The following DPP10 variants were observed in gnomAD, a reference collection of about 807,000 sequenced individuals.
The protein encoded by DPP10 is dipeptidyl peptidase like 10, also known as inactive dipeptidyl peptidase 10.
A neutral mutation model predicts 120.9 loss-of-function variants in DPP10; 33 were observed. The ratio of observed to expected loss-of-function variants is 0.27; its 90% confidence interval spans 0.21 to 0.37. DPP10 has a LOEUF of 0.37. DPP10 is among the 10% of genes least tolerant of loss of function. The probability of loss-of-function intolerance (pLI) is 1.00; values close to 1 mark genes in which losing one functional copy is unlikely to be tolerated. For synonymous variants in DPP10, 337 were observed against 326.1 expected (o/e 1.03, Z -0.36); for missense variants, 816 against 942.8 (o/e 0.87, Z 1.76).
At chr2:115,079,528 C>T (rs947316311) in intron 1 of DPP10, among the ~76,000 whole-genome samples, 3 of 152,104 alleles carry the variant, frequency 2.0e-5, no homozygotes, top group African/African-American at 7.2e-5. Context: ...GGGGTGGCAT[C>T]ACTTTCTCAG....
chr2:114,948,839 C>T (rs760835774), intron 1 of DPP10, among the ~76,000 whole-genome samples: 4 of 152,078 alleles, frequency 2.6e-5, no homozygotes, highest in Non-Finnish European at 4.4e-5. Context: ...AGGAAACTTA[C>T]ATTCGTGGTT....
intron 1 of DPP10, among the ~76,000 whole-genome samples, chr2:114,814,124 A>C (rs1330136143): frequency 1.3e-5 from 2 of 152,216 alleles, no homozygotes; most frequent in African/African-American, 4.8e-5. Context: ...AAAAGGTAAT[A>C]GGCATAGTCT....
intron 1 of DPP10, among the ~76,000 whole-genome samples, chr2:115,164,555 A>G (rs1009682140): frequency 4.6e-5 from 7 of 152,170 alleles, no homozygotes; most frequent in African/African-American, 1.7e-4. Flanking sequence ...TTGATTTTGA[A>G]TGATTTAAGC....
chr2:115,449,616 T>G lies in DPP10; in HGVS notation c.272-49894T>G, dbSNP rs148431149. ...TGTAATGAACACATCCCAGTCTCTCTTCTAGCTAAATATTGAAGTCAGAAT... is the reference window on the plus strand; with the variant it reads ...TGTAATGAACACATCCCAGTCTCTCGTCTAGCTAAATATTGAAGTCAGAAT... On this transcript the variant is annotated intron_variant, in intron 3 of 25. Transcript: ENST00000410059. Among the ~76,000 whole-genome samples the G allele has an allele frequency of 3.2e-3, 487 of 152,230 alleles. 4 individuals are homozygous for G. The highest frequency in any genetic ancestry group is 5.0e-3 in the Admixed American group (76 of 15,276).
intron 1 of DPP10, among the ~76,000 whole-genome samples, chr2:114,955,672 T>C (rs1698144335): frequency 6.6e-6 from 1 of 152,164 alleles, no homozygotes; most frequent in African/African-American, 2.4e-5. Context: ...ATAACCCTGA[T>C]AAACATAGGT....
At chr2:115,618,278 C>A (rs1235054450) in intron 5 of DPP10, among the ~76,000 whole-genome samples, 1 of 152,068 alleles carries the variant, frequency 6.6e-6, no homozygotes, top group Non-Finnish European at 1.5e-5. Flanking sequence ...AAAGGCATAG[C>A]ATTTTATCTA....
intron 21 of DPP10, among the ~76,000 whole-genome samples, chr2:115,817,559 A>G (rs17045082): frequency 0.013 from 1,964 of 152,334 alleles, 46 homozygotes; most frequent in African/African-American, 0.042. Context: ...AGCATTCTAC[A>G]CTTGTTGTCA....
At chr2:115,568,041 A>G (rs2081110105) in intron 5 of DPP10, among the ~76,000 whole-genome samples, 2 of 152,096 alleles carry the variant, frequency 1.3e-5, no homozygotes, top group Non-Finnish European at 2.9e-5. Flanking sequence ...AGCCAGGCAT[A>G]GTGGCGCAAG....
chr2:114,847,352 T>C (rs1000333649), intron 1 of DPP10, among the ~76,000 whole-genome samples: 3 of 152,174 alleles, frequency 2.0e-5, no homozygotes, highest in Admixed American at 2.0e-4. Context: ...GCAATCATGC[T>C]TGACTTTCCT....
At chr2:115,715,234 G>A (rs919472826) in intron 7 of DPP10, among the ~76,000 whole-genome samples, 1 of 147,390 alleles carries the variant, frequency 6.8e-6, no homozygotes, top group Non-Finnish European at 1.5e-5. Flanking sequence ...AGCTACTTAG[G>A]AGGCTGAGGC....
intron 1 of DPP10, among the ~76,000 whole-genome samples, chr2:114,536,523 A>C (rs1201393822): frequency 6.7e-6 from 1 of 149,818 alleles, no homozygotes; most frequent in Non-Finnish European, 1.5e-5. Flanking sequence ...CTCCTGCCTC[A>C]GCCTCCTGAG....
chr2:114,505,095 A>G (rs1398378036), intron 1 of DPP10, among the ~76,000 whole-genome samples: 2 of 150,750 alleles, frequency 1.3e-5, no homozygotes, highest in Non-Finnish European at 3.0e-5. Flanking sequence ...CTGAGGTAAC[A>G]CAGATCAACA....
chr2:115,318,374 TTAAAAA>T (rs1334211701), intron 2 of DPP10, among the ~76,000 whole-genome samples: 1 of 152,136 alleles, frequency 6.6e-6, no homozygotes, highest in Non-Finnish European at 1.5e-5. Context: ...CTATTACACT[TTAAAAA>T]TATATATATT....
intron 1 of DPP10, among the ~76,000 whole-genome samples, chr2:114,801,817 CT>C (rs907799045): frequency 6.6e-6 from 1 of 151,958 alleles, no homozygotes; most frequent in Non-Finnish European, 1.5e-5. Flanking sequence ...TATTCTTTTC[CT>C]TTTTTTTCTG....
intron 1 of DPP10, among the ~76,000 whole-genome samples, chr2:115,134,532 A>G (rs2050547668): frequency 6.6e-6 from 1 of 152,232 alleles, no homozygotes; most frequent in Admixed American, 6.5e-5. Flanking sequence ...TGTCTAGTAC[A>G]TGATAAAGCC....
intron 1 of DPP10, among the ~76,000 whole-genome samples, chr2:114,451,005 G>A (rs1413283167): frequency 6.6e-6 from 1 of 151,940 alleles, no homozygotes. Flanking sequence ...CCAGAATTTT[G>A]CCCTAAGAAA....
intron 5 of DPP10, among the ~76,000 whole-genome samples, chr2:115,625,948 A>G (rs1342760631): frequency 1.3e-5 from 2 of 151,116 alleles, no homozygotes; most frequent in Non-Finnish European, 3.0e-5. Context: ...AATGTATGAT[A>G]TTTTTTCTCT....
intron 3 of DPP10, among the ~76,000 whole-genome samples, chr2:115,423,669 A>G (rs544768221): frequency 1.3e-5 from 2 of 152,262 alleles, no homozygotes; most frequent in South Asian, 4.1e-4. Flanking sequence ...ATAGATTATA[A>G]AAGGAGCATT....
intron 4 of DPP10, among the ~76,000 whole-genome samples, chr2:115,517,937 C>A (rs904374383): frequency 3.3e-5 from 5 of 152,134 alleles, no homozygotes; most frequent in Non-Finnish European, 5.9e-5. Context: ...AAAAGCATGG[C>A]CCTGGCATCT....
Sources: gnomAD v4.1 joint callset for allele counts (sites outside exome capture counted in the v4.1 genomes callset) on GRCh38, gnomAD v4.1.1 for gene constraint, MANE v1.5 for transcripts, NCBI Gene and HGNC (gene_info 2026-07-23, HGNC 2026-07-21) for gene names.